Variants in WWOX observed in about 807,000 individuals in gnomAD.
WWOX encodes WW domain-containing oxidoreductase.
Under a neutral mutation model 46.2 loss-of-function variants are expected in WWOX, and 69 were observed. That is an observed-to-expected ratio of 1.49 (90% CI 1.23 to 1.82). The LOEUF (loss-of-function observed/expected upper bound fraction) is 1.82, where lower values mean the gene tolerates loss of function less well. WWOX is among the 40% of genes most tolerant of loss of function. WWOX has a pLI of 0.00. For synonymous variants in WWOX, 359 were observed against 202.6 expected (o/e 1.77, Z -6.56); for missense variants, 919 against 542.6 (o/e 1.69, Z -6.89).
At chr16:79,031,204 T>C (rs1282558899) in intron 8 of WWOX, among the ~76,000 whole-genome samples, 1 of 152,028 alleles carries the variant, frequency 6.6e-6, no homozygotes, top group East Asian at 1.9e-4. Context: ...CTTGAGGGTG[T>C]TTAGGGATTA....
At chr16:78,813,145 GA>G (rs567984689) in intron 8 of WWOX, among the ~76,000 whole-genome samples, 4 of 148,702 alleles carry the variant, frequency 2.7e-5, no homozygotes, top group Admixed American at 1.3e-4. Context: ...TGTTTTTTAG[GA>G]AAAAAAAATT....
Position 78,334,807 on chromosome 16 carries a change from C to G in WWOX, c.517-52053C>G, listed in dbSNP as rs535665035. ...AGTCTCCCCTCCACACACACACACA[C>G]GCACACACACACACACACACACACA... On this transcript the variant is annotated intron_variant, in intron 5 of 8. Coordinates refer to ENST00000566780, the MANE Select transcript of WWOX (RefSeq NM_016373.4). Among the ~76,000 whole-genome samples the G allele has an allele frequency of 1.5e-4, 7 of 45,812 alleles. No individual in the cohort carries two copies. In the Admixed American group the frequency reaches 1.9e-3, roughly 12 times the overall value. The allele number at this position is 45,812 out of a possible 152,430, so 30.1% of individuals were successfully genotyped here. A position where few individuals can be genotyped will look rare whatever the true frequency, so the allele number is the denominator to read the frequency against.
chr16:78,173,259 G>A (rs2035221220), intron 5 of WWOX, among the ~76,000 whole-genome samples: 1 of 152,042 alleles, frequency 6.6e-6, no homozygotes, highest in African/African-American at 2.4e-5. Context: ...TAACTCACTC[G>A]GTGTCCCTGG....
intron 5 of WWOX, among the ~76,000 whole-genome samples, chr16:78,301,772 C>A (rs1177698220): frequency 6.6e-6 from 1 of 152,136 alleles, no homozygotes; most frequent in Non-Finnish European, 1.5e-5. Context: ...AGCACAGATG[C>A]ACTGGGTAAC....
At chr16:78,813,009 C>G (rs1042941384) in intron 8 of WWOX, among the ~76,000 whole-genome samples, 1 of 151,056 alleles carries the variant, frequency 6.6e-6, no homozygotes, top group African/African-American at 2.4e-5. Context: ...GGGAATCTAC[C>G]TTAATAGGTA....
intron 8 of WWOX, among the ~76,000 whole-genome samples, chr16:78,674,485 A>G (rs1008635630): frequency 2.0e-5 from 3 of 152,000 alleles, no homozygotes; most frequent in Non-Finnish European, 4.4e-5. Context: ...GGGTTTCACC[A>G]TGTTAGCCAG....
At chr16:78,722,275 C>T (rs185611377) in intron 8 of WWOX, among the ~76,000 whole-genome samples, 5 of 152,268 alleles carry the variant, frequency 3.3e-5, no homozygotes, top group Non-Finnish European at 5.9e-5. Flanking sequence ...CTAGCTCTGG[C>T]GCTTACCAGT....
intron 8 of WWOX, among the ~76,000 whole-genome samples, chr16:79,167,429 C>T (rs1234880761): frequency 6.6e-6 from 1 of 152,048 alleles, no homozygotes; most frequent in Non-Finnish European, 1.5e-5. Flanking sequence ...GCTCAGATGG[C>T]TCTGACCTTG....
intron 8 of WWOX, among the ~76,000 whole-genome samples, chr16:79,207,237 T>G (rs1438465032): frequency 6.6e-6 from 1 of 152,220 alleles, no homozygotes; most frequent in Non-Finnish European, 1.5e-5. Context: ...AGTCAATGGA[T>G]AAGGTGGCTG....
chr16:78,635,969 A>G (rs1322947084), intron 8 of WWOX, among the ~76,000 whole-genome samples: 1 of 152,128 alleles, frequency 6.6e-6, no homozygotes, highest in Non-Finnish European at 1.5e-5. Context: ...GCCTTGGCCT[A>G]ATTGCACGGT....
intron 8 of WWOX, among the ~76,000 whole-genome samples, chr16:78,524,450 T>C (rs1218589512): frequency 6.6e-6 from 1 of 152,098 alleles, no homozygotes; most frequent in East Asian, 1.9e-4. Flanking sequence ...GAGATGAGTC[T>C]TGCTCTTTTG....
chr16:78,850,134 A>G (rs1485320663), intron 8 of WWOX, among the ~76,000 whole-genome samples: 1 of 152,128 alleles, frequency 6.6e-6, no homozygotes, highest in Non-Finnish European at 1.5e-5. Context: ...AGTTTTCACT[A>G]CCAGTTTCTG....
intron 8 of WWOX, among the ~76,000 whole-genome samples, chr16:79,031,198 A>G (rs1001805365): frequency 6.6e-6 from 1 of 151,762 alleles, no homozygotes; most frequent in Non-Finnish European, 1.5e-5. Flanking sequence ...CCCCTTCTTG[A>G]GGGTGTTTAG....
chr16:78,130,330 T>C (rs2033539341), intron 4 of WWOX, among the ~76,000 whole-genome samples: 1 of 152,126 alleles, frequency 6.6e-6, no homozygotes, highest in Admixed American at 6.5e-5. Flanking sequence ...TTCCTTAAGC[T>C]ATGTGAATGT....
intron 8 of WWOX, among the ~76,000 whole-genome samples, chr16:78,517,749 T>A (rs753574261): frequency 6.6e-6 from 1 of 152,006 alleles, no homozygotes; most frequent in Non-Finnish European, 1.5e-5. Context: ...TGTCACGTTA[T>A]GGAGCTGTTT....
chr16:78,163,821 C>A (rs2034878096), intron 4 of WWOX, among the ~76,000 whole-genome samples: 1 of 152,146 alleles, frequency 6.6e-6, no homozygotes, highest in Non-Finnish European at 1.5e-5. Context: ...GCTGGACATG[C>A]CGTGAACTCT....
intron 8 of WWOX, among the ~76,000 whole-genome samples, chr16:78,854,558 A>C (rs539021879): frequency 4.1e-4 from 62 of 152,152 alleles, no homozygotes; most frequent in Non-Finnish European, 7.5e-4. Flanking sequence ...ATTAACACCT[A>C]ACGATACCTG....
At chr16:78,533,431 A>G (rs8048195) in intron 8 of WWOX, among the ~76,000 whole-genome samples, 2,133 of 151,830 alleles carry the variant, frequency 0.014, 23 homozygotes, top group African/African-American at 0.027. Flanking sequence ...AAAAATCCCC[A>G]AAAAATCTCA....
At position 78,818,162 on chromosome 16, in the gene WWOX, T is replaced by A. The variant is rs77905807; in HGVS notation, c.1056+385410T>A. ...TGGGTGGGCTGCCCCAGGAAGGATG[T>A]GCCCTTGCAGAAGGTAGTCTCTGTG... On this transcript the variant is annotated intron_variant, in intron 8 of 8. Transcript: ENST00000566780. 6.1e-3 allele frequency among the ~76,000 whole-genome samples: 923 copies of A among 152,292 alleles called. 4 individuals are homozygous for A. Among genetic ancestry groups the A allele is most frequent in the African/African-American group, 0.021 (874 of 41,564 alleles).
Sources: allele counts gnomAD v4.1 joint callset (sites outside exome capture counted in the v4.1 genomes callset), GRCh38; gene constraint gnomAD v4.1.1; transcripts MANE v1.5; gene names NCBI Gene and HGNC (gene_info 2026-07-23, HGNC 2026-07-21).